The following TMC3 variants were observed in gnomAD, a reference collection of about 807,000 sequenced individuals.
The protein encoded by TMC3 is transmembrane channel like 3.
A neutral mutation model predicts 110.6 loss-of-function variants in TMC3; 98 were observed. The ratio of observed to expected loss-of-function variants is 0.89; its 90% confidence interval spans 0.75 to 1.05. The LOEUF is 1.05. Ranked by LOEUF, TMC3 falls within the 50% of genes least tolerant of loss-of-function variation. The pLI, the probability that TMC3 is intolerant of heterozygous loss-of-function variation, is 0.00. For synonymous variants in TMC3, 489 were observed against 513.1 expected, an observed-to-expected ratio of 0.95 and a Z score of 0.63; for missense variants, 1,319 against 1,373.2, an observed-to-expected ratio of 0.96 and a Z score of 0.62.
At chr15:81,334,597 A>G (rs1204390698) in intron 21 of TMC3, 123 bp downstream of exon 21, 1 of 1,318,902 alleles carries the variant, frequency 7.6e-7, no homozygotes, top group Non-Finnish European at 1.0e-6. Context: ...ACCAGCTGTC[A>G]TAGTCTCCTG....
At chr15:81,359,287 T>C in intron 5 of TMC3, 78 bp downstream of exon 5, 1 of 1,050,710 alleles carries the variant, frequency 9.5e-7, no homozygotes, top group Non-Finnish European at 1.4e-6. Context: ...CCCACAATGA[T>C]AACCAGAGGA....
At position 81,332,703 on chromosome 15, in the gene TMC3, G is replaced by T; in HGVS notation, c.3019C>A (p.Pro1007Thr). The change falls in exon 22 of 22, where the codon CCA (proline) becomes ACA (threonine). Residue 1007 changes from proline (P) to threonine (T), a missense_variant. Physicochemically the swap from Pro to Thr is conservative, Grantham distance 38. Transcript: ENST00000359440. The part of the protein sequence containing the change: ...NEDFEGHLER[P>T]AYVPRKPRSR... The stretch of plus-strand genomic sequence containing the variant: ...CGTGGCTTTCTGGGCACATAGGCTG[G>T]CCTCTCAAGGTGACCCTCAAAATCT... The T allele has an allele frequency of 6.2e-7, 1 of 1,613,954 alleles. No individual in the cohort carries two copies. The highest frequency in any genetic ancestry group is 8.5e-7 in the Non-Finnish European group (1 of 1,179,890).
chr15:81,364,282 T>G (rs1894256474), intron 3 of TMC3, among the ~76,000 whole-genome samples: 1 of 152,068 alleles, frequency 6.6e-6, no homozygotes, highest in South Asian at 2.1e-4. Flanking sequence ...CTATGCAAGT[T>G]GGCCTAAAGG....
chr15:81,360,589 G>A (rs569257459), intron 4 of TMC3, among the ~76,000 whole-genome samples: 4 of 152,294 alleles, frequency 2.6e-5, no homozygotes, highest in East Asian at 1.9e-4. Flanking sequence ...AGCACTCTCC[G>A]TAGAGAAGTT....
In TMC3 at chr15:81,356,607, A is replaced by C; in HGVS notation, c.744-13T>G. On this transcript the variant is annotated splice_polypyrimidine_tract_variant and intron_variant, in intron 7 of 21. Transcript: ENST00000359440. ...GTTCTTAGCCATCCTGCAAAAGAGG[A>C]GCACAAACAGGTCTTGGGAGTCTCA... The C allele has an allele frequency of 2.5e-6, 4 of 1,581,246 alleles. No individual in the cohort carries two copies. The highest frequency in any genetic ancestry group is 3.4e-6 in the Non-Finnish European group (4 of 1,163,620).
Position 81,363,028 on chromosome 15 carries a change from G to A in TMC3, c.313-727C>T, listed in dbSNP as rs185058097. 2.2e-3 allele frequency among the ~76,000 whole-genome samples: 329 copies of A among 152,280 alleles called. 3 individuals carry two copies. Among genetic ancestry groups the A allele is most frequent in the African/African-American group, 7.5e-3 (311 of 41,556 alleles). On this transcript the variant is annotated intron_variant, in intron 3 of 21. Transcript: ENST00000359440. ...ATCCAACACTTTGGGAGGCCAAGAC[G>A]GGCAGATCACGAGGTCAGGAGTTCG...
rs377410047 is a variant in TMC3 at position 81,351,831 on chromosome 15, T to C, written c.946A>G (p.Ile316Val). 19 of 1,612,206 alleles carry C rather than the reference T, an allele frequency of 1.2e-5. No homozygotes were observed. Among genetic ancestry groups the C allele is most frequent in the Non-Finnish European group, 1.5e-5 (18 of 1,179,274 alleles). Residue 316 changes from isoleucine (I) to valine (V), a missense_variant, in exon 10 of 22, where the codon ATC (isoleucine) becomes GTC (valine). Ile to Val is a conservative substitution (Grantham distance 29). Transcript: ENST00000359440. ...ATGTTGGCAATAATCCTCAGGCAGA[T>C]GGTCACTGCCCTGGGGAGAGAAACA... The part of the protein sequence containing the change: ...KKKSKNLAVT[I>V]CLRIIANILV...
chr15:81,355,694 T>C, intron 9 of TMC3, 31 bp downstream of exon 9: 1 of 1,478,170 alleles, frequency 6.8e-7, no homozygotes, highest in African/African-American at 1.4e-5. Context: ...AACTTATCAA[T>C]GAATTCAGCA....
At chr15:81,345,563 T>TGG (rs373832356) in intron 12 of TMC3, among the ~76,000 whole-genome samples, 58 of 152,192 alleles carry the variant, frequency 3.8e-4, no homozygotes, top group African/African-American at 1.4e-3. Flanking sequence ...TCCTTATAGG[T>TGG]GGGGCAGGTT....
chr15:81,333,072 C>T lies in TMC3; in HGVS notation c.2650G>A (p.Ala884Thr), dbSNP rs771932306. 1.1e-5 allele frequency: 18 copies of T among 1,613,734 alleles called. No individual in the cohort carries two copies. The highest frequency in any genetic ancestry group is 1.6e-4 in the Middle Eastern group (1 of 6,084). Reference protein sequence around the residue: ...TLLAQGPRPHAPRYYVINECD... With the variant: ...TLLAQGPRPHTPRYYVINECD... ...TCATTAATGACATAGTATCTGGGGGCGTGGGGCCTGGGACCCTGTGCCAGC... is the reference window on the plus strand; with the variant it reads ...TCATTAATGACATAGTATCTGGGGGTGTGGGGCCTGGGACCCTGTGCCAGC... Residue 884 changes from alanine to threonine, a missense_variant, in exon 22 of 22, where the codon GCC becomes ACC. Coordinates refer to ENST00000359440, the MANE Select transcript of TMC3 (RefSeq NM_001080532.3).
rs767043235 is a variant in TMC3 at position 81,372,633 on chromosome 15, C to T, written c.194G>A (p.Arg65His). Residue 65 changes from arginine to histidine, a missense_variant, in exon 2 of 22, where the codon CGC becomes CAC. Coordinates refer to ENST00000359440, the MANE Select transcript of TMC3 (RefSeq NM_001080532.3). ...CTGTCCCATAGTCCAGGGTCTGCAG[C>T]GAATGTTTGCCATGAGATCTTTCTG... The part of the protein sequence containing the change: ...QFQKDLMANI[R>H]CRPWTMGQKL... The T allele has an allele frequency of 2.2e-5, 36 of 1,613,714 alleles. No individual in the cohort carries two copies. The East Asian group carries it at 5.3e-4, about 24-fold the overall frequency.
At chr15:81,363,955 A>G (rs1894248196) in intron 3 of TMC3, among the ~76,000 whole-genome samples, 1 of 152,096 alleles carries the variant, frequency 6.6e-6, no homozygotes, top group Non-Finnish European at 1.5e-5. Flanking sequence ...AAAGCCAGAG[A>G]CCTGAGTTCT....
intron 10 of TMC3, among the ~76,000 whole-genome samples, chr15:81,351,490 T>C (rs890801823): frequency 1.3e-5 from 2 of 151,726 alleles, no homozygotes; most frequent in African/African-American, 4.8e-5. Context: ...TAGCTGGAAC[T>C]ACAGGTGTGC....
At chr15:81,345,706 T>C (rs538836674) in intron 12 of TMC3, among the ~76,000 whole-genome samples, 1 of 151,312 alleles carries the variant, frequency 6.6e-6, no homozygotes, top group Non-Finnish European at 1.5e-5. Flanking sequence ...CCCATCTCTA[T>C]AAAAAATACA....
Position 81,341,639 on chromosome 15 carries a change from G to T in TMC3, c.1716-121C>A, listed in dbSNP as rs1893718827. On this transcript the variant is annotated intron_variant, in intron 15 of 21. Transcript: ENST00000359440. ...TGGGGATTATACCCTAAGCTTAAAGGACTGGAAAAGCCCCTGAAGTCCCGA... is the reference window on the plus strand; with the variant it reads ...TGGGGATTATACCCTAAGCTTAAAGTACTGGAAAAGCCCCTGAAGTCCCGA... 1.3e-5 allele frequency: 15 copies of T among 1,120,006 alleles called. No homozygotes were observed. In the South Asian group the frequency reaches 2.7e-4, roughly 20 times the overall value. 69.4% of individuals were successfully genotyped at this position (1,120,006 alleles called of 1,614,324 possible).
chr15:81,362,891 C>G (rs1449369798), intron 3 of TMC3, among the ~76,000 whole-genome samples: 1 of 152,146 alleles, frequency 6.6e-6, no homozygotes, highest in Non-Finnish European at 1.5e-5. Flanking sequence ...GAGCCCCACC[C>G]TAATGTGTGA....
rs558242647 is a variant in TMC3 at position 81,337,128 on chromosome 15, G to C, written c.2161-477C>G. On this transcript the variant is annotated intron_variant, in intron 19 of 21. Coordinates refer to ENST00000359440, the MANE Select transcript of TMC3 (RefSeq NM_001080532.3). ...TTTTTGCATGGGTGAGGTCAGTGAGGCATCTGGGGTGCCAAATTTAAGGAG... is the reference window on the plus strand; with the variant it reads ...TTTTTGCATGGGTGAGGTCAGTGAGCCATCTGGGGTGCCAAATTTAAGGAG... Among the ~76,000 whole-genome samples the C allele has an allele frequency of 7.5e-4, 114 of 152,080 alleles. 1 individual carries two copies. Among genetic ancestry groups the C allele is most frequent in the Non-Finnish European group, 8.2e-4 (56 of 67,978 alleles).
chr15:81,359,524 A>G, intron 4 of TMC3, 53 bp from the exon 5 acceptor site: 1 of 1,243,642 alleles, frequency 8.0e-7, no homozygotes, highest in Non-Finnish European at 1.1e-6. Flanking sequence ...TCATAGTGCA[A>G]GAAATCCTAC....
At chr15:81,341,316 C>A in intron 16 of TMC3, 74 bp downstream of exon 16, 1 of 1,457,036 alleles carries the variant, frequency 6.9e-7, no homozygotes, top group Non-Finnish European at 9.2e-7. Flanking sequence ...CTAGAGGACC[C>A]CTGGGTAAGG....
Sources: gnomAD v4.1 joint callset for allele counts (sites outside exome capture counted in the v4.1 genomes callset) on GRCh38, gnomAD v4.1.1 for gene constraint, MANE v1.5 for transcripts, NCBI Gene and HGNC (gene_info 2026-07-23, HGNC 2026-07-21) for gene names.